Variants in WWOX observed in about 807,000 individuals in gnomAD.
WWOX encodes the protein WW domain-containing oxidoreductase.
WWOX carries 69 observed loss-of-function variants against 46.2 expected under a neutral mutation model. The observed-to-expected ratio is 1.49, with a 90% CI of 1.23 to 1.82. The LOEUF is 1.82. WWOX is among the 40% of genes most tolerant of loss of function. The probability of loss-of-function intolerance (pLI) is 0.00; values close to 1 mark genes in which losing one functional copy is unlikely to be tolerated. For synonymous variants in WWOX, 359 were observed against 202.6 expected, an observed-to-expected ratio of 1.77 and a Z score of -6.56; for missense variants, 919 against 542.6, an observed-to-expected ratio of 1.69 and a Z score of -6.89.
In WWOX at chr16:78,859,305, C is replaced by G. The variant is rs183025113; in HGVS notation, c.1057-352303C>G. 1.2e-3 allele frequency among the ~76,000 whole-genome samples: 182 copies of G among 151,686 alleles called. 2 individuals carry two copies. The highest frequency in any genetic ancestry group is 4.2e-3 in the African/African-American group (175 of 41,352). The stretch of plus-strand genomic sequence containing the variant: ...GCAGGAATGGAATTGATTTTTCCCC[C>G]CTGCTGAATTCCCCTTCTCCCTACT... On this transcript the variant is annotated intron_variant, in intron 8 of 8. Coordinates refer to ENST00000566780, the MANE Select transcript of WWOX (RefSeq NM_016373.4).
intron 8 of WWOX, among the ~76,000 whole-genome samples, chr16:78,613,689 G>T (rs75251828): frequency 1.6e-4 from 25 of 152,294 alleles, no homozygotes; most frequent in South Asian, 4.1e-4. Context: ...TAGCTAAGCA[G>T]TGACTGGAGG....
chr16:78,934,847 C>T (rs567967027), intron 8 of WWOX, among the ~76,000 whole-genome samples: 17 of 152,314 alleles, frequency 1.1e-4, no homozygotes, highest in Admixed American at 3.9e-4. Context: ...CATCTATAAT[C>T]GCAGCACTTT....
At chr16:79,172,690 G>T (rs1324242483) in intron 8 of WWOX, among the ~76,000 whole-genome samples, 1 of 152,124 alleles carries the variant, frequency 6.6e-6, no homozygotes, top group Non-Finnish European at 1.5e-5. Context: ...GCGCACGTAT[G>T]TGTGTGTGTA....
intron 8 of WWOX, among the ~76,000 whole-genome samples, chr16:79,148,642 C>G (rs559748575): frequency 6.6e-6 from 1 of 152,168 alleles, no homozygotes; most frequent in Non-Finnish European, 1.5e-5. Context: ...ATAGGTCTAA[C>G]ATTAAACCTA....
chr16:78,847,034 C>G (rs914907924), intron 8 of WWOX, among the ~76,000 whole-genome samples: 1 of 152,228 alleles, frequency 6.6e-6, no homozygotes, highest in Non-Finnish European at 1.5e-5. Flanking sequence ...TTCCTGCACC[C>G]TTTTGACATG....
chr16:79,040,643 G>A (rs769798300), intron 8 of WWOX, among the ~76,000 whole-genome samples: 1 of 152,024 alleles, frequency 6.6e-6, no homozygotes, highest in African/African-American at 2.4e-5. Context: ...AAACAGATCA[G>A]TTTTGCTTTA....
chr16:79,170,854 G>A (rs563515542), intron 8 of WWOX, among the ~76,000 whole-genome samples: 4 of 152,118 alleles, frequency 2.6e-5, no homozygotes, highest in Non-Finnish European at 5.9e-5. Context: ...GTGATAGCTC[G>A]TGATTCTTCA....
At chr16:78,437,143 G>T (rs2083352667) in intron 8 of WWOX, among the ~76,000 whole-genome samples, 2 of 152,126 alleles carry the variant, frequency 1.3e-5, no homozygotes, top group African/African-American at 4.8e-5. Flanking sequence ...CCAGACTTGC[G>T]CTCGGAAGCC....
chr16:78,123,215 C>G (rs984644358), intron 4 of WWOX: 1 of 151,688 alleles, frequency 6.6e-6, no homozygotes, highest in Non-Finnish European at 1.5e-5. Context: ...ATGAAGGGAT[C>G]CACTTAATAA....
In WWOX at chr16:78,410,635, C is replaced by T. The variant is rs181433247; in HGVS notation, c.606-14235C>T. ...GACCAACCTGGCCAACATGGTGAAA[C>T]GCCATACTAAAAGTACAAAAATTAG... On this transcript the variant is annotated intron_variant, in intron 6 of 8. Transcript: ENST00000566780. Among the ~76,000 whole-genome samples, 1,186 of 151,572 alleles carry T rather than the reference C, an allele frequency of 7.8e-3. 11 individuals carry two copies. The highest frequency in any genetic ancestry group is 0.015 in the South Asian group (70 of 4,772).
intron 8 of WWOX, among the ~76,000 whole-genome samples, chr16:78,665,878 T>C (rs956048110): frequency 1.3e-5 from 2 of 151,946 alleles, no homozygotes; most frequent in African/African-American, 4.8e-5. Context: ...AGAGATGGAG[T>C]TTCACCATGT....
At chr16:78,177,526 A>C (rs189481105) in intron 5 of WWOX, among the ~76,000 whole-genome samples, 1 of 152,250 alleles carries the variant, frequency 6.6e-6, no homozygotes, top group South Asian at 2.1e-4. Flanking sequence ...GCAAGGGTGC[A>C]TCTGGAGCTG....
At chr16:78,828,001 G>T (rs190564682) in intron 8 of WWOX, among the ~76,000 whole-genome samples, 1 of 152,306 alleles carries the variant, frequency 6.6e-6, no homozygotes, top group Non-Finnish European at 1.5e-5. Context: ...AGGTTATGAA[G>T]GGAAATTAGC....
intron 8 of WWOX, among the ~76,000 whole-genome samples, chr16:79,146,068 T>A (rs2050177730): frequency 6.6e-6 from 1 of 152,198 alleles, no homozygotes; most frequent in Non-Finnish European, 1.5e-5. Flanking sequence ...CGGTAGAACT[T>A]GGAATATTTC....
chr16:79,078,499 G>A (rs993145048), intron 8 of WWOX, among the ~76,000 whole-genome samples: 1 of 152,256 alleles, frequency 6.6e-6, no homozygotes, highest in African/African-American at 2.4e-5. Context: ...TCTCTCTGTA[G>A]GTGTCCTCTG....
At chr16:78,157,840 C>G (rs1032410229) in intron 4 of WWOX, among the ~76,000 whole-genome samples, 9 of 152,142 alleles carry the variant, frequency 5.9e-5, no homozygotes, top group African/African-American at 2.2e-4. Context: ...GTCATAGTGA[C>G]TGTGCTGGAT....
chr16:78,230,479 T>A (rs2037221345), intron 5 of WWOX, among the ~76,000 whole-genome samples: 1 of 152,200 alleles, frequency 6.6e-6, no homozygotes, highest in Non-Finnish European at 1.5e-5. Flanking sequence ...GGAAATCATA[T>A]AAAAGTAAAC....
At chr16:78,811,529 C>G (rs753742173) in intron 8 of WWOX, among the ~76,000 whole-genome samples, 3 of 151,548 alleles carry the variant, frequency 2.0e-5, no homozygotes, top group Non-Finnish European at 4.4e-5. Context: ...TTCTCTCTCT[C>G]TTTCCCCCTT....
chr16:79,133,504 T>G (rs1334261214), intron 8 of WWOX, among the ~76,000 whole-genome samples: 1 of 152,230 alleles, frequency 6.6e-6, no homozygotes, highest in African/African-American at 2.4e-5. Context: ...TGGTTCTCAT[T>G]TTAGTATATT....
Sources: gnomAD v4.1 joint callset for allele counts (sites outside exome capture counted in the v4.1 genomes callset) on GRCh38, gnomAD v4.1.1 for gene constraint, MANE v1.5 for transcripts, NCBI Gene and HGNC (gene_info 2026-07-23, HGNC 2026-07-21) for gene names.